RYR2: variants seen among roughly 807,000 people sequenced by gnomAD.
RYR2 encodes the protein cardiac muscle ryanodine receptor-calcium release channel.
A neutral mutation model predicts 601.1 loss-of-function variants in RYR2; 227 were observed. That is an observed-to-expected ratio of 0.38 (90% CI 0.34 to 0.42). RYR2 has a LOEUF of 0.42. Ranked by LOEUF, RYR2 falls within the 10% of genes least tolerant of loss-of-function variation. The pLI is 1.00. For synonymous variants in RYR2, 2,223 were observed against 2,175.1 expected (o/e 1.02, Z -0.61); for missense variants, 4,646 against 6,156.5 (o/e 0.75, Z 8.21).
intron 1 of RYR2, among the ~76,000 whole-genome samples, chr1:237,243,806 T>C (rs1201830023): frequency 3.9e-5 from 6 of 152,188 alleles, no homozygotes; most frequent in African/African-American, 1.4e-4. Context: ...ATAGGAGTTA[T>C]GAGCCAGGAA....
intron 11 of RYR2, among the ~76,000 whole-genome samples, chr1:237,420,033 T>C (rs1705397633): frequency 6.6e-6 from 1 of 152,128 alleles, no homozygotes. Flanking sequence ...TTTTCTCCAG[T>C]GAGATCCTAT....
intron 92 of RYR2, 42 bp downstream of exon 92, chr1:237,788,177 A>G (rs1657891426): frequency 6.6e-7 from 1 of 1,504,654 alleles, no homozygotes; most frequent in Admixed American, 1.9e-5. Flanking sequence ...ATATAGTGCA[A>G]TACCGTAATA....
intron 89 of RYR2, among the ~76,000 whole-genome samples, chr1:237,782,197 T>TTC (rs397983400): frequency 2.0e-4 from 27 of 136,040 alleles, no homozygotes; most frequent in African/African-American, 8.5e-4. Flanking sequence ...TTTTTTTTTT[T>TTC]CCTGTAGCAG....
At chr1:237,315,998 A>T (rs914348009) in intron 2 of RYR2, among the ~76,000 whole-genome samples, 1 of 152,152 alleles carries the variant, frequency 6.6e-6, no homozygotes, top group Non-Finnish European at 1.5e-5. Flanking sequence ...GGTGGTAATA[A>T]GTAGAAGGGA....
At chr1:237,349,431 G>T (rs975154286) in intron 3 of RYR2, among the ~76,000 whole-genome samples, 1 of 152,266 alleles carries the variant, frequency 6.6e-6, no homozygotes, top group East Asian at 1.9e-4. Flanking sequence ...AGGAGATGGG[G>T]TTCTTCAGGC....
chr1:237,161,737 C>T (rs1676039325), intron 1 of RYR2, among the ~76,000 whole-genome samples: 1 of 152,058 alleles, frequency 6.6e-6, no homozygotes, highest in Non-Finnish European at 1.5e-5. Flanking sequence ...AATAAAGATA[C>T]TATGTGCTGA....
chr1:237,503,520 T>C lies in RYR2; in HGVS notation c.2613+15T>C, dbSNP rs1664882352. The C allele has an allele frequency of 1.2e-6, 2 of 1,611,788 alleles. No individual in the cohort carries two copies. The highest frequency in any genetic ancestry group is 2.2e-5 in the East Asian group (1 of 44,836). On this transcript the variant is annotated intron_variant, in intron 22 of 104. Coordinates refer to ENST00000366574, the MANE Select transcript of RYR2 (RefSeq NM_001035.3). ...ATACCAGCCAGGTACCAAGATCCAC[T>C]CGAATGGCAATCACTGGTATTGCAG...
At chr1:237,287,253 A>G (rs1291972086) in intron 2 of RYR2, among the ~76,000 whole-genome samples, 1 of 152,154 alleles carries the variant, frequency 6.6e-6, no homozygotes, top group East Asian at 1.9e-4. Context: ...TATTTCCTTC[A>G]TCTTAACTTT....
intron 73 of RYR2, among the ~76,000 whole-genome samples, chr1:237,721,666 G>A (rs906838844): frequency 2.0e-5 from 3 of 151,916 alleles, no homozygotes; most frequent in Non-Finnish European, 2.9e-5. Context: ...TTACAGGCGT[G>A]CACCACCACA....
chr1:237,237,127 T>C (rs941269601), intron 1 of RYR2, among the ~76,000 whole-genome samples: 13 of 152,182 alleles, frequency 8.5e-5, no homozygotes, highest in African/African-American at 2.2e-4. Flanking sequence ...TCCACCATGA[T>C]TGTAAGTTTC....
chr1:237,121,611 G>C (rs1309675949), intron 1 of RYR2, among the ~76,000 whole-genome samples: 2 of 152,164 alleles, frequency 1.3e-5, no homozygotes, highest in Admixed American at 1.3e-4. Flanking sequence ...AGGAGCTGTA[G>C]AGAAAGAGGG....
chr1:237,741,245 A>G (rs1160301533), intron 79 of RYR2, among the ~76,000 whole-genome samples: 1 of 152,194 alleles, frequency 6.6e-6, no homozygotes, highest in East Asian at 1.9e-4. Flanking sequence ...GAATATGACA[A>G]ACCTTTTAGA....
chr1:237,472,998 C>CA (rs1660906501), intron 17 of RYR2, among the ~76,000 whole-genome samples: 3 of 150,730 alleles, frequency 2.0e-5, no homozygotes. Context: ...CTTGCTTTTA[C>CA]TTTTTTTTTT....
intron 26 of RYR2, among the ~76,000 whole-genome samples, 159 bp downstream of exon 26, chr1:237,548,749 G>A (rs1195856398): frequency 6.6e-6 from 1 of 152,160 alleles, no homozygotes; most frequent in Non-Finnish European, 1.5e-5. Context: ...CTAGACTCAA[G>A]AATTTACATG....
At chr1:237,622,528 T>A (rs1020981785) in intron 38 of RYR2, among the ~76,000 whole-genome samples, 1 of 152,348 alleles carries the variant, frequency 6.6e-6, no homozygotes, top group South Asian at 2.1e-4. Flanking sequence ...ACTTGGGTTC[T>A]ATTCTCAAAA....
chr1:237,548,700 A>G, intron 26 of RYR2, 110 bp downstream of exon 26: 1 of 1,308,868 alleles, frequency 7.6e-7, no homozygotes, highest in Non-Finnish European at 1.0e-6. Context: ...CATATAGATC[A>G]CATATAGTGC....
chr1:237,785,830 C>T (rs898208954), intron 90 of RYR2, 139 bp from the exon 91 acceptor site: 15 of 676,250 alleles, frequency 2.2e-5, no homozygotes, highest in Middle Eastern at 2.5e-4. Flanking sequence ...AAATGAAAAA[C>T]ACGTGGCGCT....
intron 1 of RYR2, among the ~76,000 whole-genome samples, chr1:237,123,836 T>G (rs1024567405): frequency 1.3e-5 from 2 of 151,502 alleles, no homozygotes; most frequent in African/African-American, 2.4e-5. Flanking sequence ...CCCGGCTAAT[T>G]TTTTGTATTT....
rs181867014 is a variant in RYR2 at position 237,455,236 on chromosome 1, G to A, written c.1476+662G>A. Among the ~76,000 whole-genome samples the A allele has an allele frequency of 7.9e-5, 12 of 152,202 alleles. No homozygotes were observed. The South Asian group carries it at 2.3e-3, about 29-fold the overall frequency. On this transcript the variant is annotated intron_variant, in intron 15 of 104. Coordinates refer to ENST00000366574, the MANE Select transcript of RYR2 (RefSeq NM_001035.3). ...AGTCAGGAGCTTCGTTGGAGACTAC[G>A]AGGGTTGATGGGATAAATCAGGCTT...
Sources: gnomAD v4.1 joint callset for allele counts (sites outside exome capture counted in the v4.1 genomes callset) on GRCh38, gnomAD v4.1.1 for gene constraint, MANE v1.5 for transcripts, NCBI Gene and HGNC (gene_info 2026-07-23, HGNC 2026-07-21) for gene names.